The following TUBGCP3 variants were observed in gnomAD, a reference collection of about 807,000 sequenced individuals.
TUBGCP3 encodes the protein gamma-tubulin complex component 3.
TUBGCP3 carries 50 observed loss-of-function variants against 123.1 expected under a neutral mutation model. The ratio of observed to expected loss-of-function variants is 0.41; its 90% CI spans 0.32 to 0.51. TUBGCP3 has a LOEUF of 0.51. Among genes scored for constraint, TUBGCP3 ranks in the 20% least tolerant of loss-of-function variants. The pLI, the probability that TUBGCP3 is intolerant of heterozygous loss-of-function variation, is 0.36. For synonymous variants in TUBGCP3, 405 were observed against 413.9 expected, an observed-to-expected ratio of 0.98 and a Z score of 0.26; for missense variants, 882 against 1,127.0, an observed-to-expected ratio of 0.78 and a Z score of 3.11.
At chr13:112,497,431 T>C (rs1880599711) in intron 20 of TUBGCP3, among the ~76,000 whole-genome samples, 3 of 152,186 alleles carry the variant, frequency 2.0e-5, no homozygotes, top group Non-Finnish European at 4.4e-5. Flanking sequence ...AGAAATAACT[T>C]GTGCACCCAG....
chr13:112,582,570 G>C (rs987878242), intron 1 of TUBGCP3, among the ~76,000 whole-genome samples: 3 of 152,232 alleles, frequency 2.0e-5, no homozygotes, highest in Non-Finnish European at 4.4e-5. Context: ...GGACACTGCT[G>C]CTGCAGGGAG....
intron 2 of TUBGCP3, among the ~76,000 whole-genome samples, chr13:112,568,673 T>G (rs1881171149): frequency 6.6e-6 from 1 of 152,246 alleles, no homozygotes; most frequent in Admixed American, 6.5e-5. Context: ...CGCAGGCCTC[T>G]TTTCTAGGCC....
intron 5 of TUBGCP3, among the ~76,000 whole-genome samples, chr13:112,557,225 G>C (rs1880117923): frequency 6.6e-6 from 1 of 152,180 alleles, no homozygotes; most frequent in African/African-American, 2.4e-5. Context: ...GTATAAATGA[G>C]AATGTCAATT....
intron 8 of TUBGCP3, among the ~76,000 whole-genome samples, chr13:112,550,044 A>T (rs1440524770): frequency 6.6e-6 from 1 of 151,114 alleles, no homozygotes; most frequent in Non-Finnish European, 1.5e-5. Flanking sequence ...TCAAAACAAC[A>T]GGAATCAGAA....
At chr13:112,604,844 T>G in the TUBGCP3 span, 2 of 152,226 alleles carry the variant, frequency 1.3e-5, no homozygotes, top group African/African-American at 4.8e-5. Context: ...CATATTTTTC[T>G]ATGTCATCAA....
chr13:112,516,402 G>T (rs1323085857), intron 17 of TUBGCP3, 38 bp downstream of exon 17: 1 of 1,532,226 alleles, frequency 6.5e-7, no homozygotes, highest in African/African-American at 1.4e-5. Flanking sequence ...GAGGCCGCTG[G>T]GAGTGTGTGC....
At chr13:112,580,769 G>A (rs1882225344) in intron 1 of TUBGCP3, among the ~76,000 whole-genome samples, 2 of 152,174 alleles carry the variant, frequency 1.3e-5, no homozygotes, top group Admixed American at 1.3e-4. Flanking sequence ...TCTGACTGAT[G>A]ATCCAAGAGT....
At chr13:112,570,252 G>A (rs1881295115) in intron 1 of TUBGCP3, among the ~76,000 whole-genome samples, 1 of 152,128 alleles carries the variant, frequency 6.6e-6, no homozygotes, top group African/African-American at 2.4e-5. Context: ...ATTTGTCTAT[G>A]AGAAAACTGA....
At chr13:112,535,700 T>C (rs1877989390) in intron 11 of TUBGCP3, among the ~76,000 whole-genome samples, 1 of 152,244 alleles carries the variant, frequency 6.6e-6, no homozygotes, top group Admixed American at 6.5e-5. Flanking sequence ...GTAAGTGATT[T>C]GGAAATACTT....
Position 112,563,874 on chromosome 13 carries a change from CAA to C in TUBGCP3, c.252+1235_252+1236del, listed in dbSNP as rs35674942. On this transcript the variant is annotated intron_variant, in intron 3 of 21. Transcript: ENST00000261965. ...TGGGGCACAGAGCAAGACTTCGCCT[CAA>C]AAAAAAAAAAAAGTGTCTAAATATG... Among the ~76,000 whole-genome samples, 359 of 116,482 alleles carry C rather than the reference CAA, an allele frequency of 3.1e-3. 1 individual carries two copies. Among genetic ancestry groups the C allele is most frequent in the African/African-American group, 0.011 (319 of 30,026 alleles). 76.4% of individuals were successfully genotyped at this position (116,482 alleles called of 152,430 possible). A position where few individuals can be genotyped will look rare whatever the true frequency, so the allele number is the denominator to read the frequency against.
At chr13:112,603,224 T>C in the TUBGCP3 span, 1 of 152,208 alleles carries the variant, frequency 6.6e-6, no homozygotes. Context: ...TCTCCATCCA[T>C]GATCACAGAT....
intron 3 of TUBGCP3, among the ~76,000 whole-genome samples, chr13:112,559,659 T>C (rs1280652670): frequency 6.6e-6 from 1 of 152,226 alleles, no homozygotes; most frequent in Non-Finnish European, 1.5e-5. Flanking sequence ...AAAGTTTTTT[T>C]AAGTTACCCT....
intron 13 of TUBGCP3, among the ~76,000 whole-genome samples, chr13:112,523,892 A>G (rs1876827830): frequency 6.6e-6 from 1 of 152,180 alleles, no homozygotes; most frequent in South Asian, 2.1e-4. Context: ...TTTTTTGACC[A>G]TTACTAGGAG....
chr13:112,556,102 C>G lies in TUBGCP3; in HGVS notation c.671G>C (p.Ser224Thr), dbSNP rs191406719. 1 of 1,614,126 alleles carries G rather than the reference C, an allele frequency of 6.2e-7. No individual in the cohort carries two copies. The highest frequency in any genetic ancestry group is 8.5e-7 in the Non-Finnish European group (1 of 1,180,016). ...CCTTGTCATGTTGCGAGACACAGCA[C>G]TGGGGACACCTTTTGAGGTAGTGGC... is the stretch of plus-strand genomic sequence containing the variant. ...SQATTSKGVP[S>T]AVSRNMTRSR... The change falls in exon 6 of 22, where the codon AGT becomes ACT. Residue 224 changes from serine to threonine, a missense_variant. Coordinates refer to ENST00000261965, the MANE Select transcript of TUBGCP3 (RefSeq NM_006322.6).
chr13:112,546,411 C>G (rs926622069), intron 10 of TUBGCP3: 3 of 154,234 alleles, frequency 1.9e-5, no homozygotes, highest in Non-Finnish European at 4.3e-5. Context: ...TTGGCCAGAA[C>G]TACACAGTAT....
At chr13:112,599,754 C>T in the TUBGCP3 span, among the ~76,000 whole-genome samples, 1 of 152,014 alleles carries the variant, frequency 6.6e-6, no homozygotes, top group African/African-American at 2.4e-5. Flanking sequence ...CTCCTGACCT[C>T]GTGATCCGCC....
the TUBGCP3 span, among the ~76,000 whole-genome samples, chr13:112,602,013 C>G: frequency 6.6e-6 from 1 of 152,222 alleles, no homozygotes; most frequent in Non-Finnish European, 1.5e-5. Context: ...CTCACAACAA[C>G]TGAACAAGGT....
intron 2 of TUBGCP3, among the ~76,000 whole-genome samples, chr13:112,566,984 T>C (rs1164060473): frequency 1.5e-4 from 23 of 152,268 alleles, no homozygotes. Flanking sequence ...AGAGCAGAGC[T>C]ACCATAACTC....
rs34251263 is a variant in TUBGCP3 at position 112,569,295 on chromosome 13, A to G, written c.77-36T>C. 6.9e-3 allele frequency: 11,042 copies of G among 1,606,432 alleles called. 55 individuals carry two copies. The highest frequency in any genetic ancestry group is 8.2e-3 in the Non-Finnish European group (9,596 of 1,174,162). On this transcript the variant is annotated intron_variant, in intron 1 of 21. Coordinates refer to ENST00000261965, the MANE Select transcript of TUBGCP3 (RefSeq NM_006322.6). ...AACAAAAGGATGCGGATTGTTACCA[A>G]CCAGGTTACGTTCTGGTCACCTGAA...
Sources: gnomAD v4.1 joint callset for allele counts (sites outside exome capture counted in the v4.1 genomes callset) on GRCh38, gnomAD v4.1.1 for gene constraint, MANE v1.5 for transcripts, NCBI Gene and HGNC (gene_info 2026-07-23, HGNC 2026-07-21) for gene names.